VEZT: variants seen among roughly 807,000 people sequenced by gnomAD.
The protein encoded by VEZT is vezatin.
Under a neutral mutation model 79.9 loss-of-function variants are expected in VEZT, and 39 were observed. That is an observed-to-expected ratio of 0.49 (90% confidence interval 0.38 to 0.64). VEZT has a LOEUF of 0.64. Ranked by LOEUF, VEZT falls within the 30% of genes least tolerant of loss-of-function variation. The probability of loss-of-function intolerance (pLI) is 0.00; values close to 1 mark genes in which losing one functional copy is unlikely to be tolerated. For missense variants in VEZT, 837 were observed against 893.1 expected (o/e 0.94, Z 0.80); for synonymous variants, 325 against 327.6 (o/e 0.99, Z 0.09).
chr12:95,265,687 C>A (rs956846944), intron 4 of VEZT, among the ~76,000 whole-genome samples: 1 of 151,608 alleles, frequency 6.6e-6, no homozygotes, highest in Non-Finnish European at 1.5e-5. Flanking sequence ...TTTGGGGTCA[C>A]AGAAGAGGGG....
At position 95,284,008 on chromosome 12, in the gene VEZT, C is replaced by T. The variant is rs765995651; in HGVS notation, c.1328+1364C>T. 7.2e-5 allele frequency among the ~76,000 whole-genome samples: 11 copies of T among 152,180 alleles called. No individual in the cohort carries two copies. The East Asian group carries it at 9.7e-4, about 13-fold the overall frequency. Reference sequence around the variant, plus strand: ...TGGCAATAGAATCAGAAATATACGGCGCATATTAGAATGCATTTGAGTGAG... The same window carrying T: ...TGGCAATAGAATCAGAAATATACGGTGCATATTAGAATGCATTTGAGTGAG... On this transcript the variant is annotated intron_variant, in intron 8 of 11. Coordinates refer to ENST00000436874, the MANE Select transcript of VEZT (RefSeq NM_017599.4).
chr12:95,296,274 A>T lies in VEZT; in HGVS notation c.1831+16A>T. 1 of 1,557,504 alleles carries T rather than the reference A, an allele frequency of 6.4e-7. No homozygotes were observed. The highest frequency in any genetic ancestry group is 8.7e-7 in the Non-Finnish European group (1 of 1,150,986). ...AGTGATCATGGTAAGCACTGACTTT[A>T]AAGTAACAGGTTATTTCAATGTAGG... On this transcript the variant is annotated intron_variant, in intron 11 of 11. Transcript: ENST00000436874.
In VEZT at chr12:95,280,523, G is replaced by A. The variant is rs570017322; in HGVS notation, c.997-1790G>A. On this transcript the variant is annotated intron_variant, in intron 7 of 11. Coordinates refer to ENST00000436874, the MANE Select transcript of VEZT (RefSeq NM_017599.4). ...ACACTATTCCCCCCCTTTCATATGT[G>A]TACACACACACACACACACACACAC... is the stretch of plus-strand genomic sequence containing the variant. Among the ~76,000 whole-genome samples, 111 of 106,866 alleles carry A rather than the reference G, an allele frequency of 1.0e-3. 2 individuals carry two copies. The Middle Eastern group carries it at 0.017, about 16-fold the overall frequency. 70.1% of individuals were successfully genotyped at this position (106,866 alleles called of 152,430 possible). A position where few individuals can be genotyped will look rare whatever the true frequency, so the allele number is the denominator to read the frequency against.
chr12:95,285,403 C>T (rs1342494229), intron 8 of VEZT, among the ~76,000 whole-genome samples: 1 of 152,074 alleles, frequency 6.6e-6, no homozygotes, highest in Non-Finnish European at 1.5e-5. Flanking sequence ...GAAATCACAC[C>T]ACTGCACTCT....
intron 3 of VEZT, chr12:95,258,408 C>CA (rs749667858): frequency 1.9e-4 from 68 of 352,502 alleles, no homozygotes; most frequent in East Asian, 1.7e-3. Flanking sequence ...TATACAGTGC[C>CA]AGCTTCTGTA....
intron 1 of VEZT, among the ~76,000 whole-genome samples, chr12:95,233,310 C>T (rs981698507): frequency 1.3e-5 from 2 of 152,072 alleles, no homozygotes; most frequent in African/African-American, 4.8e-5. Flanking sequence ...CTCCCTTAAT[C>T]CCCCTTTTCC....
At chr12:95,264,869 C>CTTTTTTTTTTTTT (rs71078693) in intron 4 of VEZT, among the ~76,000 whole-genome samples, 12 of 113,326 alleles carry the variant, frequency 1.1e-4, no homozygotes, top group South Asian at 5.9e-4. Context: ...CTTTTCTTTT[C>CTTTTTTTTTTTTT]TTTTTTTTTT....
chr12:95,248,944 A>G (rs1413219502), intron 1 of VEZT, among the ~76,000 whole-genome samples: 2 of 152,068 alleles, frequency 1.3e-5, no homozygotes, highest in East Asian at 1.9e-4. Flanking sequence ...CCATTTTTGG[A>G]TGGCAGGTTT....
chr12:95,244,384 A>G (rs760267981), intron 1 of VEZT, among the ~76,000 whole-genome samples: 12 of 152,178 alleles, frequency 7.9e-5, no homozygotes, highest in Non-Finnish European at 1.5e-4. Context: ...CTGTTTCTAA[A>G]TAAATAAATA....
intron 6 of VEZT, 47 bp downstream of exon 6, chr12:95,270,235 C>A (rs2066334518): frequency 6.6e-7 from 1 of 1,521,364 alleles, no homozygotes. Context: ...TTTCTGGAGT[C>A]CTGAATATAG....
intron 1 of VEZT, among the ~76,000 whole-genome samples, chr12:95,226,414 T>C (rs560900483): frequency 6.7e-6 from 1 of 149,262 alleles, no homozygotes; most frequent in Admixed American, 6.7e-5. Flanking sequence ...TTTTTTTTGG[T>C]ATATTTGTTG....
At chr12:95,243,570 C>G (rs980648903) in intron 1 of VEZT, among the ~76,000 whole-genome samples, 1 of 152,130 alleles carries the variant, frequency 6.6e-6, no homozygotes, top group Non-Finnish European at 1.5e-5. Context: ...TCAGACATTA[C>G]CTAATTTCAC....
intron 1 of VEZT, among the ~76,000 whole-genome samples, chr12:95,244,414 T>C (rs947357565): frequency 6.6e-6 from 1 of 152,080 alleles, no homozygotes; most frequent in African/African-American, 2.4e-5. Flanking sequence ...CCAATATAAT[T>C]ATCTCATCTG....
intron 4 of VEZT, among the ~76,000 whole-genome samples, chr12:95,265,876 A>T (rs77387864): frequency 0.014 from 2,121 of 152,254 alleles, 52 homozygotes; most frequent in African/African-American, 0.047. Context: ...GAGGGCTGGG[A>T]TGCTGATCTG....
intron 9 of VEZT, among the ~76,000 whole-genome samples, chr12:95,288,527 T>C (rs2071612868): frequency 6.6e-6 from 1 of 152,222 alleles, no homozygotes; most frequent in African/African-American, 2.4e-5. Context: ...ATCTCTTGGA[T>C]GTTTATTGTG....
chr12:95,262,577 T>G (rs996113025), intron 3 of VEZT, among the ~76,000 whole-genome samples: 5 of 152,190 alleles, frequency 3.3e-5, no homozygotes, highest in Non-Finnish European at 5.9e-5. Flanking sequence ...TGTTATAGGA[T>G]TATATTTTCC....
At chr12:95,251,880 C>G (rs1566094556) in intron 1 of VEZT, 60 bp from the exon 2 acceptor site, 5 of 1,535,198 alleles carry the variant, frequency 3.3e-6, no homozygotes, top group Non-Finnish European at 4.4e-6. Flanking sequence ...TAAGTTTGGC[C>G]CCCGAAACTT....
intron 1 of VEZT, chr12:95,218,688 G>A (rs371605999): frequency 3.9e-5 from 6 of 152,250 alleles, no homozygotes; most frequent in African/African-American, 1.4e-4. Flanking sequence ...TAAAAATGAA[G>A]TGGCCCATGC....
chr12:95,259,137 TACTTATTCTGTATGTCTATG>T (rs1429296098), intron 3 of VEZT, among the ~76,000 whole-genome samples: 118 of 152,192 alleles, frequency 7.8e-4, no homozygotes, highest in African/African-American at 2.8e-3. Flanking sequence ...CTTTATTCCG[TACTTATTCTGTATGTCTATG>T]TTTGTGCTCT....
Sources: allele counts gnomAD v4.1 joint callset (sites outside exome capture counted in the v4.1 genomes callset), GRCh38; gene constraint gnomAD v4.1.1; transcripts MANE v1.5; gene names NCBI Gene and HGNC (gene_info 2026-07-23, HGNC 2026-07-21).